The following LRRC8A variants were observed in gnomAD, a reference collection of about 807,000 sequenced individuals.
The protein encoded by LRRC8A is volume-regulated anion channel subunit LRRC8A.
A neutral mutation model predicts 52.5 loss-of-function variants in LRRC8A; 24 were observed. That is an observed-to-expected ratio of 0.46 (90% CI 0.33 to 0.64). The LOEUF (loss-of-function observed/expected upper bound fraction) is 0.64. Among genes scored for constraint, LRRC8A ranks in the 30% least tolerant of loss-of-function variants. The probability of loss-of-function intolerance (pLI) is 0.02; values close to 1 mark genes in which losing one functional copy is unlikely to be tolerated. For missense variants in LRRC8A, 677 were observed against 1,094.7 expected, an observed-to-expected ratio of 0.62 and a Z score of 5.38; for synonymous variants, 492 against 494.2, an observed-to-expected ratio of 1.00 and a Z score of 0.06.
intron 3 of LRRC8A, among the ~76,000 whole-genome samples, chr9:128,910,574 T>C (rs1840471303): frequency 6.6e-6 from 1 of 152,134 alleles, no homozygotes; most frequent in African/African-American, 2.4e-5. Flanking sequence ...GTGCCTGTAG[T>C]CCCAGCTATT....
intron 2 of LRRC8A, 107 bp downstream of exon 2, chr9:128,886,228 T>C (rs1181966170): frequency 6.6e-6 from 1 of 152,306 alleles, no homozygotes; most frequent in Non-Finnish European, 1.5e-5. Flanking sequence ...GTCCTTTGCT[T>C]TTCTTGCTGT....
In LRRC8A at chr9:128,909,392, C is replaced by G. The variant is rs530546913; in HGVS notation, c.2157+71C>G. ...TGGCCAGGGCTTGTGGTGGGGCACT[C>G]GGCAGGCTCAGTGTCCTGGGACCGT... On this transcript the variant is annotated intron_variant, in intron 3 of 3. Coordinates refer to ENST00000372600, the MANE Select transcript of LRRC8A (RefSeq NM_019594.4). 14 of 1,453,964 alleles carry G rather than the reference C, an allele frequency of 9.6e-6. No homozygotes were observed. In the East Asian group the frequency reaches 2.0e-4, roughly 21 times the overall value. 90.1% of individuals were successfully genotyped at this position (1,453,964 alleles called of 1,614,324 possible).
Position 128,898,335 on chromosome 9 carries a change from C to G in LRRC8A, c.-8-8822C>G, listed in dbSNP as rs1839902962. 3.9e-5 allele frequency among the ~76,000 whole-genome samples: 6 copies of G among 152,294 alleles called. No individual in the cohort carries two copies. The South Asian group carries it at 1.2e-3, about 32-fold the overall frequency. On this transcript the variant is annotated intron_variant, in intron 2 of 3. Transcript: ENST00000372600. Reference sequence around the variant, plus strand: ...ACCTGGGTTCAAGCAATTCTCCTGCCTCAGCCTCCCAAGTAGTTGATCCAG... The same window carrying G: ...ACCTGGGTTCAAGCAATTCTCCTGCGTCAGCCTCCCAAGTAGTTGATCCAG...
chr9:128,898,461 C>T (rs542264557), intron 2 of LRRC8A, among the ~76,000 whole-genome samples: 5 of 152,332 alleles, frequency 3.3e-5, no homozygotes, highest in Non-Finnish European at 5.9e-5. Flanking sequence ...GGTTTTCCTT[C>T]TTCCATTTCC....
Position 128,907,827 on chromosome 9 carries a change from G to C in LRRC8A, c.663G>C (p.Gln221His). Residue 221 changes from glutamine (Q) to histidine (H), a missense_variant, in exon 3 of 4, where the codon CAG becomes CAC. Gln to His is a conservative substitution (Grantham distance 24). Transcript: ENST00000372600. The surrounding 1 kb of genome is among the most constrained non-coding windows in gnomAD (Gnocchi z 9.3). ...MLQRTKSRIE[Q>H]GIVDRSETGV... Reference sequence around the variant, plus strand: ...AGCGGACCAAGTCACGGATCGAGCAGGGTATCGTGGACCGCTCAGAGACGG... The same window carrying C: ...AGCGGACCAAGTCACGGATCGAGCACGGTATCGTGGACCGCTCAGAGACGG... 1 of 1,614,084 alleles carries C rather than the reference G, an allele frequency of 6.2e-7. No homozygotes were observed. Among genetic ancestry groups the C allele is most frequent in the Non-Finnish European group, 8.5e-7 (1 of 1,180,004 alleles).
At position 128,904,997 on chromosome 9, in the gene LRRC8A, CAAAAAAAAA is replaced by C. The variant is rs770042979; in HGVS notation, c.-8-2142_-8-2134del. Among the ~76,000 whole-genome samples the C allele has an allele frequency of 5.4e-4, 16 of 29,864 alleles. No homozygotes were observed. In the Admixed American group the frequency reaches 6.2e-3, roughly 12 times the overall value. The allele number at this position is 29,864 out of a possible 152,430, so 19.6% of individuals were successfully genotyped here. On this transcript the variant is annotated intron_variant, in intron 2 of 3. Coordinates refer to ENST00000372600, the MANE Select transcript of LRRC8A (RefSeq NM_019594.4). Reference sequence around the variant, plus strand: ...TAGGCAACAGAGCGAGACTCCGTCTCAAAAAAAAAAAAAAAAAAAAAAAAAATTAGCCAG... The same window carrying C: ...TAGGCAACAGAGCGAGACTCCGTCTCAAAAAAAAAAAAAAAAATTAGCCAG...
intron 2 of LRRC8A, among the ~76,000 whole-genome samples, chr9:128,891,544 G>A (rs1839620275): frequency 6.6e-6 from 1 of 152,196 alleles, no homozygotes; most frequent in Admixed American, 6.5e-5. Flanking sequence ...CTCGGCGACA[G>A]CGCAAGATCC....
At chr9:128,914,333 G>T (rs1213922835) in intron 3 of LRRC8A, among the ~76,000 whole-genome samples, 1 of 152,076 alleles carries the variant, frequency 6.6e-6, no homozygotes, top group Non-Finnish European at 1.5e-5. Context: ...GGAGAGAGCA[G>T]GTGCCCGTGA....
chr9:128,909,302 TA>T lies in LRRC8A; in HGVS notation c.2139del (p.Ala714ProfsTer40), dbSNP rs1840395233. ...GGCCTCCTGCAGAACCTCCAGAACCTAGCCATCACGGCCAACCGGGTGAGTG... is the reference window on the plus strand; with the variant it reads ...GGCCTCCTGCAGAACCTCCAGAACCTGCCATCACGGCCAACCGGGTGAGTG... ...DIGLLQNLQN[L>X]AITANRIETL... is the part of the protein sequence containing the mutation. On this transcript the variant is annotated frameshift_variant, in exon 3 of 4. Transcript: ENST00000372600. LOFTEE classifies it high-confidence loss of function. 1.2e-6 allele frequency: 2 copies of T among 1,613,296 alleles called. No homozygotes were observed. The highest frequency in any genetic ancestry group is 1.7e-6 in the Non-Finnish European group (2 of 1,179,922).
At chr9:128,903,598 A>G (rs1196582798) in intron 2 of LRRC8A, among the ~76,000 whole-genome samples, 2 of 151,718 alleles carry the variant, frequency 1.3e-5, no homozygotes, top group East Asian at 3.9e-4. Flanking sequence ...TATTTTTAGT[A>G]GAGACGGAGT....
Position 128,916,183 on chromosome 9 carries a change from A to G in LRRC8A, c.2245A>G (p.Arg749Gly), listed in dbSNP as rs544964004. ...CAACGTGCTGCAGTCACTGCCCTCC[A>G]GGGTGGGCGAGCTGACCAACCTGAC... ...GNNVLQSLPS[R>G]VGELTNLTQI... Residue 749 changes from arginine to glycine, a missense_variant, in exon 4 of 4, where the codon AGG (arginine) becomes GGG (glycine). By Grantham distance (125) the Arg-to-Gly change is moderately radical. Around this residue, in one of 4 missense-constraint regions of LRRC8A, gnomAD observed 169 missense variants for 217.6 expected, o/e 0.78. Coordinates refer to ENST00000372600, the MANE Select transcript of LRRC8A (RefSeq NM_019594.4). This position sits in a 1 kb window ranked among gnomAD's most constrained non-coding sequence, Gnocchi z 6.1. The G allele has an allele frequency of 8.1e-6, 13 of 1,613,258 alleles. No homozygotes were observed. The highest frequency in any genetic ancestry group is 1.1e-5 in the Non-Finnish European group (13 of 1,179,984).
intron 2 of LRRC8A, among the ~76,000 whole-genome samples, chr9:128,896,473 C>T (rs1839829083): frequency 6.6e-6 from 1 of 152,184 alleles, no homozygotes; most frequent in African/African-American, 2.4e-5. Flanking sequence ...GTACGTGCAT[C>T]CTACCTTCTC....
rs1840852454 is a variant in LRRC8A at position 128,917,046 on chromosome 9, T to C, written c.*675T>C. The C allele has an allele frequency of 7.7e-6, 1 of 129,786 alleles. No individual in the cohort carries two copies. Among genetic ancestry groups the C allele is most frequent in the Non-Finnish European group, 1.6e-5 (1 of 63,032 alleles). 8.0% of individuals were successfully genotyped at this position (129,786 alleles called of 1,614,324 possible). A position where few individuals can be genotyped will look rare whatever the true frequency, so the allele number is the denominator to read the frequency against. ...TAGTTTTTTGTTTTTTTTTTTTTAA[T>C]CAAAAAACAATTTTTTTAAAAAAAA... On this transcript the variant is annotated 3_prime_UTR_variant, in exon 4 of 4. Transcript: ENST00000372600.
At chr9:128,915,417 C>T (rs565569038) in intron 3 of LRRC8A, among the ~76,000 whole-genome samples, 4 of 152,336 alleles carry the variant, frequency 2.6e-5, no homozygotes, top group Non-Finnish European at 4.4e-5. Context: ...CTCCGCCTCC[C>T]GGGTTCACGC....
At chr9:128,895,028 T>C (rs1415736663) in intron 2 of LRRC8A, among the ~76,000 whole-genome samples, 3 of 152,158 alleles carry the variant, frequency 2.0e-5, no homozygotes, top group Non-Finnish European at 2.9e-5. Context: ...CCCCAGGCCC[T>C]GGTATCCCTT....
At chr9:128,885,164 C>T (rs917850844) in intron 1 of LRRC8A, 1 of 152,292 alleles carries the variant, frequency 6.6e-6, no homozygotes, top group Non-Finnish European at 1.5e-5. Flanking sequence ...CACAGTTCTG[C>T]ACAGTGTCTG....
chr9:128,897,125 TG>T (rs1839850034), intron 2 of LRRC8A, among the ~76,000 whole-genome samples: 1 of 152,244 alleles, frequency 6.6e-6, no homozygotes, highest in Non-Finnish European at 1.5e-5. Context: ...TTTCGATGTA[TG>T]CTTTAACTTT....
Position 128,909,140 on chromosome 9 carries a change from G to A in LRRC8A, c.1976G>A (p.Gly659Asp). 1 of 1,614,028 alleles carries A rather than the reference G, an allele frequency of 6.2e-7. No homozygotes were observed. The highest frequency in any genetic ancestry group is 8.5e-7 in the Non-Finnish European group (1 of 1,180,020). ...ATCGCCTACATCCCCATCCAGATCG[G>A]CAACCTCACCAACCTGGAGCGCCTC... ...NHIAYIPIQI[G>D]NLTNLERLYL... Residue 659 changes from glycine (G) to aspartate (D), a missense_variant, in exon 3 of 4, where the codon GGC becomes GAC. This residue lies in a region of LRRC8A where 169 missense variants were observed against 217.6 expected (regional missense o/e 0.78). Transcript: ENST00000372600.
At chr9:128,886,884 A>C (rs893021416) in intron 2 of LRRC8A, among the ~76,000 whole-genome samples, 11 of 152,136 alleles carry the variant, frequency 7.2e-5, no homozygotes, top group Non-Finnish European at 1.6e-4. Context: ...CATTATCTCC[A>C]GTTTACAGAT....
Sources: gnomAD v4.1 joint callset for allele counts (sites outside exome capture counted in the v4.1 genomes callset) on GRCh38, gnomAD v4.1.1 for gene constraint, gnomAD v4.1.1 regional missense constraint, Gnocchi (gnomAD v3.1) non-coding constraint, MANE v1.5 for transcripts, NCBI Gene and HGNC (gene_info 2026-07-23, HGNC 2026-07-21) for gene names.